Variants in LRBA observed in about 807,000 individuals in gnomAD.
LRBA encodes the protein lipopolysaccharide-responsive and beige-like anchor protein.
In LRBA, 176 loss-of-function variants were observed where a neutral mutation model predicts 330.0. The observed-to-expected ratio is 0.53, with a 90% confidence interval of 0.47 to 0.60. LRBA has a LOEUF of 0.60. Ranked by LOEUF, LRBA falls within the 20% of genes least tolerant of loss-of-function variation. The probability of loss-of-function intolerance (pLI) is 0.00; values close to 1 mark genes in which losing one functional copy is unlikely to be tolerated. For synonymous variants in LRBA, 1,230 were observed against 1,193.0 expected, an observed-to-expected ratio of 1.03 and a Z score of -0.64; for missense variants, 3,259 against 3,444.8, an observed-to-expected ratio of 0.95 and a Z score of 1.35.
chr4:150,576,182 GA>G (rs1770524715), intron 40 of LRBA, among the ~76,000 whole-genome samples: 1 of 148,616 alleles, frequency 6.7e-6, no homozygotes, highest in Non-Finnish European at 1.5e-5. Flanking sequence ...AAAAAAGGAG[GA>G]GGGGAGAGGA....
intron 36 of LRBA, among the ~76,000 whole-genome samples, chr4:150,722,091 C>T (rs1729012981): frequency 6.6e-6 from 1 of 152,108 alleles, no homozygotes; most frequent in African/African-American, 2.4e-5. Flanking sequence ...CCTTCCATTG[C>T]AATGCAAGCC....
intron 48 of LRBA, among the ~76,000 whole-genome samples, chr4:150,332,865 C>G (rs1003866776): frequency 6.6e-6 from 1 of 152,008 alleles, no homozygotes; most frequent in African/African-American, 2.4e-5. Flanking sequence ...AACAGCATCT[C>G]AAATATTACC....
At chr4:150,627,119 A>C (rs904877451) in intron 37 of LRBA, among the ~76,000 whole-genome samples, 1 of 152,110 alleles carries the variant, frequency 6.6e-6, no homozygotes, top group Non-Finnish European at 1.5e-5. Flanking sequence ...AAAAAAACTA[A>C]AGCACATTTT....
At chr4:150,871,600 A>G (rs1753450692) in intron 18 of LRBA, 147 bp from the exon 19 acceptor site, 2 of 542,166 alleles carry the variant, frequency 3.7e-6, no homozygotes, top group South Asian at 2.6e-5. Context: ...TTCAATCTAG[A>G]ACTTTTAAGG....
intron 37 of LRBA, among the ~76,000 whole-genome samples, chr4:150,622,155 T>C (rs1051390374): frequency 9.2e-5 from 14 of 152,166 alleles, no homozygotes; most frequent in Non-Finnish European, 1.5e-4. Flanking sequence ...CAATACCAAG[T>C]TTTATAATGC....
chr4:150,636,178 T>A (rs1363599714), intron 37 of LRBA, among the ~76,000 whole-genome samples: 87 of 108,922 alleles, frequency 8.0e-4, no homozygotes, highest in Non-Finnish European at 1.5e-3. Context: ...TTTTTTTTTT[T>A]ACGTGAATTA....
intron 53 of LRBA, among the ~76,000 whole-genome samples, chr4:150,291,853 G>A (rs1728339399): frequency 6.6e-6 from 1 of 151,974 alleles, no homozygotes; most frequent in Admixed American, 6.6e-5. Context: ...ACTGGATTAA[G>A]AAAATGTGGC....
chr4:150,928,686 C>T lies in LRBA; in HGVS notation c.449-70G>A, dbSNP rs889893644. 8.1e-6 allele frequency: 11 copies of T among 1,355,050 alleles called. No individual in the cohort carries two copies. In the South Asian group the frequency reaches 1.1e-4, roughly 14 times the overall value. The allele number at this position is 1,355,050 out of a possible 1,614,324, so 83.9% of individuals were successfully genotyped here. A position where few individuals can be genotyped will look rare whatever the true frequency, so the allele number is the denominator to read the frequency against. On this transcript the variant is annotated intron_variant, in intron 3 of 56. Coordinates refer to ENST00000651943, the MANE Select transcript of LRBA (RefSeq NM_001364905.1). ...TCTCGAATATTTAAAATAAACTGTGCTTATTTAAGGGCTTGGACACTAAAG... is the reference window on the plus strand; with the variant it reads ...TCTCGAATATTTAAAATAAACTGTGTTTATTTAAGGGCTTGGACACTAAAG...
intron 22 of LRBA, among the ~76,000 whole-genome samples, chr4:150,855,220 A>C (rs1162073945): frequency 6.6e-6 from 1 of 152,142 alleles, no homozygotes; most frequent in Non-Finnish European, 1.5e-5. Flanking sequence ...CCAAAATAGC[A>C]CCACTGCACT....
chr4:150,487,237 T>C (rs1241719672), intron 42 of LRBA, among the ~76,000 whole-genome samples: 1 of 151,088 alleles, frequency 6.6e-6, no homozygotes, highest in African/African-American at 2.4e-5. Context: ...TGTATATTTA[T>C]ACACACATAT....
At chr4:150,675,939 G>C (rs1015615678) in intron 37 of LRBA, among the ~76,000 whole-genome samples, 3 of 152,090 alleles carry the variant, frequency 2.0e-5, no homozygotes, top group Non-Finnish European at 2.9e-5. Flanking sequence ...TCTTAGAGGT[G>C]AAGAGGACCT....
chr4:150,839,626 C>T (rs1748738399), intron 28 of LRBA, among the ~76,000 whole-genome samples: 2 of 152,126 alleles, frequency 1.3e-5, no homozygotes, highest in Admixed American at 1.3e-4. Context: ...TCTCAGCAAA[C>T]TATTGCAAGG....
At chr4:150,999,641 A>T (rs1048755460) in intron 2 of LRBA, among the ~76,000 whole-genome samples, 2 of 151,938 alleles carry the variant, frequency 1.3e-5, no homozygotes, top group Admixed American at 6.6e-5. Flanking sequence ...TCTGCTATTC[A>T]CATAGGAAGT....
chr4:150,599,197 T>A, intron 37 of LRBA, 66 bp from the exon 38 acceptor site: 1 of 1,559,786 alleles, frequency 6.4e-7, no homozygotes, highest in African/African-American at 1.4e-5. Flanking sequence ...ACTGAATTTC[T>A]GCATAAAGCT....
At chr4:150,345,451 T>C (rs1736155954) in intron 48 of LRBA, among the ~76,000 whole-genome samples, 1 of 152,252 alleles carries the variant, frequency 6.6e-6, no homozygotes, top group Non-Finnish European at 1.5e-5. Context: ...TATGATCTAA[T>C]CAGTAGTTCA....
In LRBA at chr4:150,274,769, C is replaced by A. The variant is rs1233775043; in HGVS notation, c.8468+3084G>T. Among the ~76,000 whole-genome samples the A allele has an allele frequency of 3.9e-5, 6 of 152,182 alleles. No individual in the cohort carries two copies. In the South Asian group the frequency reaches 1.2e-3, roughly 32 times the overall value. On this transcript the variant is annotated intron_variant, in intron 56 of 56. Coordinates refer to ENST00000651943, the MANE Select transcript of LRBA (RefSeq NM_001364905.1). ...GGAAGAAGTCAAATCCCTGAATAGA[C>A]CAATAACAAGTTCTGAAATCAATAG...
chr4:150,814,778 G>C (rs949324850), intron 31 of LRBA, among the ~76,000 whole-genome samples: 4 of 151,966 alleles, frequency 2.6e-5, no homozygotes, highest in Non-Finnish European at 5.9e-5. Context: ...TTATGAGCTG[G>C]ATCAATGGTA....
chr4:150,997,811 C>T (rs977184790), intron 2 of LRBA, among the ~76,000 whole-genome samples: 4 of 151,922 alleles, frequency 2.6e-5, no homozygotes, highest in Admixed American at 2.0e-4. Flanking sequence ...TCAAGCGATT[C>T]CCATGCCTGA....
chr4:150,897,091 C>CT (rs974591674), intron 15 of LRBA, among the ~76,000 whole-genome samples: 3 of 151,092 alleles, frequency 2.0e-5, no homozygotes, highest in African/African-American at 7.3e-5. Context: ...TCAAAGGACA[C>CT]TTTTTTTAAT....
Sources: gnomAD v4.1 joint callset for allele counts (sites outside exome capture counted in the v4.1 genomes callset) on GRCh38, gnomAD v4.1.1 for gene constraint, MANE v1.5 for transcripts, NCBI Gene and HGNC (gene_info 2026-07-23, HGNC 2026-07-21) for gene names.